Variants in PCDH9 observed in about 807,000 individuals in gnomAD.
The protein encoded by PCDH9 is protocadherin-9.
Under a neutral mutation model 70.6 loss-of-function variants are expected in PCDH9, and 24 were observed. The ratio of observed to expected loss-of-function variants is 0.34; its 90% CI spans 0.25 to 0.48. The LOEUF (loss-of-function observed/expected upper bound fraction) is 0.48. PCDH9 is among the 20% of genes least tolerant of loss of function. The probability of loss-of-function intolerance (pLI) is 0.99; values close to 1 mark genes in which losing one functional copy is unlikely to be tolerated. For missense variants in PCDH9, 1,281 were observed against 1,503.6 expected (o/e 0.85, Z 2.45); for synonymous variants, 562 against 558.5 (o/e 1.01, Z -0.09).
intron 4 of PCDH9, among the ~76,000 whole-genome samples, chr13:66,597,587 G>T (rs2077118807): frequency 6.6e-6 from 1 of 151,682 alleles, no homozygotes; most frequent in South Asian, 2.1e-4. Flanking sequence ...ACTCAAGATG[G>T]AGTAAAGACT....
intron 3 of PCDH9, among the ~76,000 whole-genome samples, chr13:66,719,249 AT>A (rs67005482): frequency 6.6e-5 from 10 of 151,660 alleles, no homozygotes; most frequent in African/African-American, 2.2e-4. Context: ...TCAATTCCTC[AT>A]TTTTTTTCAA....
At chr13:67,156,199 C>T (rs1170396158) in intron 2 of PCDH9, among the ~76,000 whole-genome samples, 5 of 152,088 alleles carry the variant, frequency 3.3e-5, no homozygotes, top group Non-Finnish European at 5.9e-5. Context: ...CATCCTGGCC[C>T]ACCACGGCCC....
intron 4 of PCDH9, among the ~76,000 whole-genome samples, chr13:66,521,661 G>A (rs1959993372): frequency 6.6e-6 from 1 of 152,088 alleles, no homozygotes; most frequent in Non-Finnish European, 1.5e-5. Flanking sequence ...ACACAGAGAG[G>A]CTTGGTTTAA....
chr13:67,154,122 A>C (rs2087736350), intron 2 of PCDH9, among the ~76,000 whole-genome samples: 1 of 152,226 alleles, frequency 6.6e-6, no homozygotes, highest in Non-Finnish European at 1.5e-5. Context: ...CAGTACATGT[A>C]TATAAGATAA....
chr13:66,420,142 G>C (rs986496605), intron 4 of PCDH9, among the ~76,000 whole-genome samples: 3 of 152,056 alleles, frequency 2.0e-5, no homozygotes, highest in Non-Finnish European at 4.4e-5. Context: ...CTCTGGCCAG[G>C]GCATCTCTGA....
At chr13:67,005,812 T>G (rs1401602509) in intron 2 of PCDH9, among the ~76,000 whole-genome samples, 2 of 152,212 alleles carry the variant, frequency 1.3e-5, no homozygotes, top group Non-Finnish European at 2.9e-5. Context: ...ATAACATAAT[T>G]CTGCTTATTT....
intron 3 of PCDH9, among the ~76,000 whole-genome samples, chr13:66,753,746 C>T (rs148929557): frequency 5.3e-5 from 8 of 152,248 alleles, no homozygotes; most frequent in Non-Finnish European, 1.2e-4. Flanking sequence ...CAAAACTCAA[C>T]ACTGCTAAAT....
chr13:66,538,881 A>T (rs1960824467), intron 4 of PCDH9, among the ~76,000 whole-genome samples: 2 of 152,072 alleles, frequency 1.3e-5, no homozygotes, highest in South Asian at 4.2e-4. Flanking sequence ...AAAATATTTG[A>T]CGGAAGATTA....
At chr13:67,132,988 A>G (rs8000291) in intron 2 of PCDH9, among the ~76,000 whole-genome samples, 35,253 of 151,878 alleles carry the variant, frequency 0.23, 4,194 homozygotes, top group Middle Eastern at 0.28. Flanking sequence ...GCATCTTTTT[A>G]TACAGTATTT....
chr13:66,431,301 C>T (rs954213045), intron 4 of PCDH9, among the ~76,000 whole-genome samples: 1 of 151,998 alleles, frequency 6.6e-6, no homozygotes. Flanking sequence ...CATATTGGCT[C>T]ACTTAATTGG....
At chr13:66,469,710 T>A (rs1186310257) in intron 4 of PCDH9, among the ~76,000 whole-genome samples, 2 of 152,182 alleles carry the variant, frequency 1.3e-5, no homozygotes, top group Non-Finnish European at 2.9e-5. Flanking sequence ...GTGTCAATTC[T>A]GGTATCTCTG....
intron 2 of PCDH9, among the ~76,000 whole-genome samples, chr13:67,149,442 C>T (rs2087604644): frequency 6.6e-6 from 1 of 151,772 alleles, no homozygotes; most frequent in Non-Finnish European, 1.5e-5. Flanking sequence ...TAAGCAGTGC[C>T]CAGCACATTG....
intron 4 of PCDH9, among the ~76,000 whole-genome samples, chr13:66,592,478 G>T (rs1219738159): frequency 1.3e-5 from 2 of 151,696 alleles, no homozygotes; most frequent in Non-Finnish European, 2.9e-5. Context: ...AAAAGCAAAA[G>T]AAATTAACTT....
intron 3 of PCDH9, among the ~76,000 whole-genome samples, chr13:66,758,736 G>A (rs1445578625): frequency 2.0e-5 from 3 of 152,014 alleles, no homozygotes; most frequent in Admixed American, 6.6e-5. Flanking sequence ...ATTCAACAGT[G>A]ATGCCGTCAA....
intron 4 of PCDH9, among the ~76,000 whole-genome samples, chr13:66,544,418 G>A (rs1442685756): frequency 6.6e-6 from 1 of 152,166 alleles, no homozygotes; most frequent in Non-Finnish European, 1.5e-5. Context: ...ACGTATATAT[G>A]AAAGTGATGC....
At chr13:66,787,920 T>C (rs1011936182) in intron 3 of PCDH9, among the ~76,000 whole-genome samples, 1 of 152,156 alleles carries the variant, frequency 6.6e-6, no homozygotes, top group African/African-American at 2.4e-5. Flanking sequence ...TCTCCAAAGA[T>C]AAAGGTATAG....
chr13:66,848,431 T>A (rs2081250154), intron 3 of PCDH9, among the ~76,000 whole-genome samples: 1 of 152,178 alleles, frequency 6.6e-6, no homozygotes, highest in Non-Finnish European at 1.5e-5. Context: ...ACTTAATCAA[T>A]CAAACATTTA....
At chr13:67,089,811 A>T (rs554011366) in intron 2 of PCDH9, among the ~76,000 whole-genome samples, 2 of 151,928 alleles carry the variant, frequency 1.3e-5, no homozygotes, top group Non-Finnish European at 1.5e-5. Flanking sequence ...TGATAGAGAG[A>T]TCCTTAGATG....
At chr13:66,792,506 C>T (rs954375980) in intron 3 of PCDH9, among the ~76,000 whole-genome samples, 1 of 152,098 alleles carries the variant, frequency 6.6e-6, no homozygotes, top group East Asian at 1.9e-4. Flanking sequence ...CCTGTCCCTA[C>T]TAAAAATACA....
Sources: gnomAD v4.1 joint callset for allele counts (sites outside exome capture counted in the v4.1 genomes callset) on GRCh38, gnomAD v4.1.1 for gene constraint, MANE v1.5 for transcripts, NCBI Gene and HGNC (gene_info 2026-07-23, HGNC 2026-07-21) for gene names.